GTF3C1: variants seen among roughly 807,000 people sequenced by gnomAD.
GTF3C1 encodes the protein general transcription factor 3C polypeptide 1.
A neutral mutation model predicts 226.7 loss-of-function variants in GTF3C1; 57 were observed. The ratio of observed to expected loss-of-function variants is 0.25; its 90% CI spans 0.20 to 0.31. The LOEUF (loss-of-function observed/expected upper bound fraction) is 0.31, where lower values mean the gene tolerates loss of function less well. GTF3C1 is among the 10% of genes least tolerant of loss of function. The pLI, the probability that GTF3C1 is intolerant of heterozygous loss-of-function variation, is 1.00. For missense variants in GTF3C1, 2,217 were observed against 2,776.1 expected (o/e 0.80, Z 4.53); for synonymous variants, 1,090 against 1,084.8 (o/e 1.00, Z -0.09).
Position 27,470,474 on chromosome 16 carries a change from C to T in GTF3C1, c.4527-79G>A. The T allele has an allele frequency of 8.7e-7, 1 of 1,153,512 alleles. No individual in the cohort carries two copies. The highest frequency in any genetic ancestry group is 1.3e-6 in the Non-Finnish European group (1 of 789,276). The allele number at this position is 1,153,512 out of a possible 1,614,324, so 71.5% of individuals were successfully genotyped here. ...TCATTTGGATGGACTATGAGCACGT[C>T]AAACCATTATGGTGAGAACTAAGCA... On this transcript the variant is annotated intron_variant, in intron 30 of 36. Transcript: ENST00000356183. This position sits in a 1 kb window ranked among gnomAD's most constrained non-coding sequence, Gnocchi z 4.9.
intron 6 of GTF3C1, among the ~76,000 whole-genome samples, chr16:27,518,035 T>C (rs566413145): frequency 2.6e-5 from 4 of 152,202 alleles, no homozygotes; most frequent in Non-Finnish European, 5.9e-5. Context: ...CGCTCTCAAC[T>C]GTGATCAACC....
In GTF3C1 at chr16:27,489,583, G is replaced by C. The variant is rs374809431; in HGVS notation, c.3293+19C>G. The stretch of plus-strand genomic sequence containing the variant: ...CCGCAGCCCAGTCCTGGCCGGCCGC[G>C]CTTGGGACGGACACGCACGTGGTGT... On this transcript the variant is annotated intron_variant, in intron 20 of 36. Coordinates refer to ENST00000356183, the MANE Select transcript of GTF3C1 (RefSeq NM_001520.4). The C allele has an allele frequency of 6.3e-7, 1 of 1,591,028 alleles. No individual in the cohort carries two copies. Among genetic ancestry groups the C allele is most frequent in the Non-Finnish European group, 8.6e-7 (1 of 1,169,206 alleles).
chr16:27,549,437 G>C (rs1316299496), intron 1 of GTF3C1, among the ~76,000 whole-genome samples: 2 of 152,062 alleles, frequency 1.3e-5, no homozygotes, highest in Non-Finnish European at 2.9e-5. Context: ...CACACACAGG[G>C]ACAAAACGGG....
chr16:27,544,758 G>A (rs926732295), intron 2 of GTF3C1, among the ~76,000 whole-genome samples: 12 of 152,152 alleles, frequency 7.9e-5, no homozygotes, highest in Non-Finnish European at 1.3e-4. Context: ...GCCCAGGTAG[G>A]AAGAGAGAAA....
intron 6 of GTF3C1, among the ~76,000 whole-genome samples, chr16:27,514,422 G>C (rs1304620578): frequency 6.6e-6 from 1 of 152,082 alleles, no homozygotes; most frequent in Non-Finnish European, 1.5e-5. Flanking sequence ...CTATCTGAAG[G>C]CTCGGGCACT....
In GTF3C1 at chr16:27,488,213, GATC is replaced by G. The variant is rs1239596678; in HGVS notation, c.3700+11_3700+13del. ...AAGACAAGGCCCAGTAAATGAAAATGATCACCACATAACCTTTCTTCTTTCTCT... is the reference window on the plus strand; with the variant it reads ...AAGACAAGGCCCAGTAAATGAAAATGACCACATAACCTTTCTTCTTTCTCT... On this transcript the variant is annotated intron_variant, in intron 23 of 36. Transcript: ENST00000356183. 6.2e-7 allele frequency: 1 copy of G among 1,605,070 alleles called. No homozygotes were observed. The highest frequency in any genetic ancestry group is 1.1e-5 in the South Asian group (1 of 90,318).
Position 27,461,466 on chromosome 16 carries a change from G to C in GTF3C1, c.6214C>G (p.Pro2072Ala). Residue 2072 changes from proline to alanine, a missense_variant, in exon 37 of 37, where the codon CCC becomes GCC. Transcript: ENST00000356183. This position sits in a 1 kb window ranked among gnomAD's most constrained non-coding sequence, Gnocchi z 5.3. The part of the protein sequence containing the change: ...STPVVEEVEV[P>A]SSLDESPMAF... The stretch of plus-strand genomic sequence containing the variant: ...ATGGGGCTCTCGTCCAGGCTGGAGG[G>C]CACTTCCACCTCTTCCACCACGGGT... 1 of 1,613,650 alleles carries C rather than the reference G, an allele frequency of 6.2e-7. No homozygotes were observed. Among genetic ancestry groups the C allele is most frequent in the Non-Finnish European group, 8.5e-7 (1 of 1,179,626 alleles).
At chr16:27,464,933 T>C (rs993065252) in intron 33 of GTF3C1, 97 bp from the exon 34 acceptor site, 2 of 1,057,704 alleles carry the variant, frequency 1.9e-6, no homozygotes, top group South Asian at 1.7e-5. Context: ...GACTGGCGGG[T>C]TGAGTGCCCT....
At position 27,471,765 on chromosome 16, in the gene GTF3C1, T is replaced by C. The variant is rs779730564; in HGVS notation, c.4509A>G (p.Leu1503=). The C allele has an allele frequency of 2.7e-5, 43 of 1,613,922 alleles. No individual in the cohort carries two copies. The South Asian group carries it at 3.8e-4, about 14-fold the overall frequency. ...GTACTCACCTGTAGTAGGTCTGGGA[T>C]AGCTGGTAGGACATTGGCACGAAGG... ...ALPFVPMSYQ[L]SQTYYRIFTW... Residue 1503 remains leucine, a synonymous_variant, in exon 30 of 37, where the codon CTA becomes CTG. Transcript: ENST00000356183. This position sits in a 1 kb window ranked among gnomAD's most constrained non-coding sequence, Gnocchi z 5.0.
At chr16:27,544,169 G>T (rs1025812507) in intron 2 of GTF3C1, among the ~76,000 whole-genome samples, 2 of 151,998 alleles carry the variant, frequency 1.3e-5, no homozygotes, top group Non-Finnish European at 2.9e-5. Flanking sequence ...TAGGAGGATT[G>T]CTTGAGCCCA....
At chr16:27,544,801 A>G (rs937173149) in intron 2 of GTF3C1, among the ~76,000 whole-genome samples, 2 of 152,164 alleles carry the variant, frequency 1.3e-5, no homozygotes, top group Non-Finnish European at 2.9e-5. Context: ...GACTGTGAGC[A>G]CAAAGGAAAG....
Position 27,461,960 on chromosome 16 carries a change from TG to T in GTF3C1, c.6117+333del, listed in dbSNP as rs906728540. The T allele has an allele frequency of 2.6e-6, 1 of 385,268 alleles. No individual in the cohort carries two copies. The highest frequency in any genetic ancestry group is 4.7e-6 in the Non-Finnish European group (1 of 211,580). The allele number at this position is 385,268 out of a possible 1,614,324, so 23.9% of individuals were successfully genotyped here. On this transcript the variant is annotated intron_variant, in intron 36 of 36. Transcript: ENST00000356183. This position sits in a 1 kb window ranked among gnomAD's most constrained non-coding sequence, Gnocchi z 5.3. ...AGGAGCTGGAGGCCCCAGGCACACA[TG>T]GGAGTCAGCCAAGCAGGAAGCAGCT...
rs770316060 is a variant in GTF3C1, at chr16:27,470,202, G to A, written c.4720C>T (p.Leu1574Phe). The change falls in exon 31 of 37, where the codon CTC becomes TTC. Residue 1574 changes from leucine to phenylalanine, a missense_variant. Physicochemically the swap from Leu to Phe is conservative, Grantham distance 22. Transcript: ENST00000356183. This position sits in a 1 kb window ranked among gnomAD's most constrained non-coding sequence, Gnocchi z 4.9. ...ACAGAAATGAGGCCCAGAGAGAAGA[G>A]GGTCAGGACGGCCACACAATTTCCT... is the stretch of plus-strand genomic sequence containing the variant. The part of the protein sequence containing the change: ...PGGNCVAVLT[L>F]FSLGLISVDV... The A allele has an allele frequency of 3.1e-6, 5 of 1,613,478 alleles. No homozygotes were observed. The South Asian group carries it at 4.4e-5, about 14-fold the overall frequency.
chr16:27,461,673 A>T lies in GTF3C1; in HGVS notation c.6118-111T>A. On this transcript the variant is annotated intron_variant, in intron 36 of 36. Coordinates refer to ENST00000356183, the MANE Select transcript of GTF3C1 (RefSeq NM_001520.4). This position sits in a 1 kb window ranked among gnomAD's most constrained non-coding sequence, Gnocchi z 5.3. ...TCTGTACCAGGGAGCCACTTCCCAG[A>T]GCAGGGGGCACCTGAACTGGGCATG... 1 of 780,368 alleles carries T rather than the reference A, an allele frequency of 1.3e-6. No homozygotes were observed. Among genetic ancestry groups the T allele is most frequent in the South Asian group, 1.6e-5 (1 of 61,688 alleles). 48.3% of individuals were successfully genotyped at this position (780,368 alleles called of 1,614,324 possible).
chr16:27,511,047 G>A (rs1176049777), intron 7 of GTF3C1, among the ~76,000 whole-genome samples: 1 of 152,184 alleles, frequency 6.6e-6, no homozygotes, highest in African/African-American at 2.4e-5. Context: ...TTAACCTTAG[G>A]TGTCAATGGG....
chr16:27,462,509 C>A lies in GTF3C1; in HGVS notation c.5925-23G>T. On this transcript the variant is annotated intron_variant, in intron 35 of 36. Transcript: ENST00000356183. The surrounding 1 kb of genome is among the most constrained non-coding windows in gnomAD (Gnocchi z 4.5). ...TCCCTGCAGGGAGAGGGCTTGACATCAGGGCTTGGTGGGGGCAGGAGGGCA... is the reference window on the plus strand; with the variant it reads ...TCCCTGCAGGGAGAGGGCTTGACATAAGGGCTTGGTGGGGGCAGGAGGGCA... 1 of 1,599,772 alleles carries A rather than the reference C, an allele frequency of 6.3e-7. No homozygotes were observed. Among genetic ancestry groups the A allele is most frequent in the Non-Finnish European group, 8.6e-7 (1 of 1,168,068 alleles).
At chr16:27,474,517 C>A (rs1200382625) in intron 29 of GTF3C1, among the ~76,000 whole-genome samples, 1 of 152,162 alleles carries the variant, frequency 6.6e-6, no homozygotes, top group African/African-American at 2.4e-5. Context: ...CTGGAAGGCC[C>A]ACCCCACAGC....
Position 27,542,544 on chromosome 16 carries a change from A to T in GTF3C1, c.431+2770T>A, listed in dbSNP as rs571264474. Among the ~76,000 whole-genome samples the T allele has an allele frequency of 2.6e-5, 4 of 151,754 alleles. No individual in the cohort carries two copies. The South Asian group carries it at 8.3e-4, about 32-fold the overall frequency. On this transcript the variant is annotated intron_variant, in intron 2 of 36. Coordinates refer to ENST00000356183, the MANE Select transcript of GTF3C1 (RefSeq NM_001520.4). The stretch of plus-strand genomic sequence containing the variant: ...CCATTGGACTCCAGCCTGGGCGACA[A>T]GAGCAAAACCCCGCCTCAAAAAGAA...
In GTF3C1 at chr16:27,471,667, C is replaced by G. The variant is rs1009545504; in HGVS notation, c.4526+81G>C. On this transcript the variant is annotated intron_variant, in intron 30 of 36. Coordinates refer to ENST00000356183, the MANE Select transcript of GTF3C1 (RefSeq NM_001520.4). The surrounding 1 kb of genome is among the most constrained non-coding windows in gnomAD (Gnocchi z 5.0). ...CCCTGGCTCCTACACGCTTTCATGG[C>G]CACAGTGCTTCCTTTGCTCCTCTTT... 5 of 1,156,174 alleles carry G rather than the reference C, an allele frequency of 4.3e-6. No individual in the cohort carries two copies. Among genetic ancestry groups the G allele is most frequent in the Non-Finnish European group, 5.1e-6 (4 of 785,348 alleles). The allele number at this position is 1,156,174 out of a possible 1,614,324, so 71.6% of individuals were successfully genotyped here.
Sources: gnomAD v4.1 joint callset for allele counts (sites outside exome capture counted in the v4.1 genomes callset) on GRCh38, gnomAD v4.1.1 for gene constraint, Gnocchi (gnomAD v3.1) non-coding constraint, MANE v1.5 for transcripts, NCBI Gene and HGNC (gene_info 2026-07-23, HGNC 2026-07-21) for gene names.